The following CADM2 variants were observed in gnomAD, a reference collection of about 807,000 sequenced individuals.
CADM2 encodes the protein immunoglobulin superfamily member 4D.
Under a neutral mutation model 49.8 loss-of-function variants are expected in CADM2, and 12 were observed. The observed-to-expected ratio is 0.24, with a 90% CI of 0.15 to 0.39. The LOEUF (loss-of-function observed/expected upper bound fraction) is 0.39, where lower values mean the gene tolerates loss of function less well. Among genes scored for constraint, CADM2 ranks in the 10% least tolerant of loss-of-function variants. The pLI, the probability that CADM2 is intolerant of heterozygous loss-of-function variation, is 1.00. For missense variants in CADM2, 378 were observed against 492.3 expected (o/e 0.77, Z 2.20); for synonymous variants, 214 against 175.4 (o/e 1.22, Z -1.74).
rs74900822 is a variant in CADM2, at chr3:85,740,989, T to C, written c.88+14441T>C. ...ATCCTAGTTCAGGACAACAATTCTC[T>C]TTCTTTCTCCAAATGAACAGGCACT... On this transcript the variant is annotated intron_variant, in intron 2 of 9. Coordinates refer to ENST00000383699, the MANE Select transcript of CADM2 (RefSeq NM_001167675.2). 5.8e-3 allele frequency among the ~76,000 whole-genome samples: 884 copies of C among 152,314 alleles called. 12 individuals are homozygous for C. The highest frequency in any genetic ancestry group is 0.021 in the African/African-American group (856 of 41,568).
rs529447125 is a variant in CADM2 at position 85,761,367 on chromosome 3, C to CTTTT, written c.88+34839_88+34842dup. 1.1e-3 allele frequency among the ~76,000 whole-genome samples: 116 copies of CTTTT among 101,086 alleles called. 4 individuals are homozygous for CTTTT. Among genetic ancestry groups the CTTTT allele is most frequent in the African/African-American group, 4.8e-3 (101 of 20,870 alleles). The allele number at this position is 101,086 out of a possible 152,430, so 66.3% of individuals were successfully genotyped here. On this transcript the variant is annotated intron_variant, in intron 2 of 9. Coordinates refer to ENST00000383699, the MANE Select transcript of CADM2 (RefSeq NM_001167675.2). ...AAAACTGTTGATATACAACACAAAACTTTTTTTTTTTTTTTTTTTTTTTGG... is the reference window on the plus strand; with the variant it reads ...AAAACTGTTGATATACAACACAAAACTTTTTTTTTTTTTTTTTTTTTTTTTTTGG...
intron 2 of CADM2, among the ~76,000 whole-genome samples, chr3:85,795,373 T>A (rs1411031569): frequency 6.6e-6 from 1 of 152,118 alleles, no homozygotes; most frequent in Non-Finnish European, 1.5e-5. Context: ...TTGAATTGAT[T>A]TTGGAAACCA....
chr3:85,779,939 C>A (rs1026849007), intron 2 of CADM2, among the ~76,000 whole-genome samples: 1 of 152,034 alleles, frequency 6.6e-6, no homozygotes, highest in Non-Finnish European at 1.5e-5. Flanking sequence ...AATGATTGAA[C>A]TGGTGAAGAT....
chr3:85,713,471 C>A (rs545558262), intron 1 of CADM2, among the ~76,000 whole-genome samples: 1 of 152,128 alleles, frequency 6.6e-6, no homozygotes, highest in Admixed American at 6.5e-5. Context: ...TTATATCCTA[C>A]AAAGCACTGG....
At chr3:84,995,704 G>A (rs182109425) in intron 1 of CADM2, among the ~76,000 whole-genome samples, 1 of 152,218 alleles carries the variant, frequency 6.6e-6, no homozygotes, top group Admixed American at 6.5e-5. Flanking sequence ...GCCTACAAAA[G>A]AGATTAATAT....
intron 1 of CADM2, among the ~76,000 whole-genome samples, chr3:85,558,455 G>T (rs7653790): frequency 0.51 from 77,795 of 151,672 alleles, 23,023 homozygotes; most frequent in East Asian, 0.85. Flanking sequence ...ATCAAATCAA[G>T]ACAGTTAATA....
chr3:85,906,501 G>C (rs1005448546), intron 5 of CADM2, among the ~76,000 whole-genome samples: 1 of 152,056 alleles, frequency 6.6e-6, no homozygotes. Flanking sequence ...TGCTAAGTGG[G>C]ATAGTTATCC....
At chr3:85,296,745 TA>T (rs2043974499) in intron 1 of CADM2, among the ~76,000 whole-genome samples, 1 of 152,060 alleles carries the variant, frequency 6.6e-6, no homozygotes, top group Non-Finnish European at 1.5e-5. Flanking sequence ...GAGTGCTCTT[TA>T]AAAAATTACC....
At chr3:85,014,003 AT>A (rs2034129719) in intron 1 of CADM2, among the ~76,000 whole-genome samples, 1 of 143,290 alleles carries the variant, frequency 7.0e-6, no homozygotes, top group Non-Finnish European at 1.5e-5. Context: ...CAGTGTAATA[AT>A]ATTGTATATT....
chr3:85,138,387 A>G (rs1391148022), intron 1 of CADM2, among the ~76,000 whole-genome samples: 1 of 152,124 alleles, frequency 6.6e-6, no homozygotes, highest in African/African-American at 2.4e-5. Context: ...CTTTCTTCAG[A>G]GGTTTTTCTG....
At chr3:85,476,677 T>A (rs978946568) in intron 1 of CADM2, among the ~76,000 whole-genome samples, 3 of 151,856 alleles carry the variant, frequency 2.0e-5, no homozygotes, top group African/African-American at 7.2e-5. Flanking sequence ...TTTTTAAGAA[T>A]TAGTTGCAAA....
intron 1 of CADM2, among the ~76,000 whole-genome samples, chr3:85,470,209 A>G (rs2107607397): frequency 6.6e-6 from 1 of 152,320 alleles, no homozygotes; most frequent in East Asian, 1.9e-4. Context: ...TATGGATACA[A>G]ACAGTGTTTA....
intron 6 of CADM2, among the ~76,000 whole-genome samples, chr3:85,918,824 G>T (rs796757730): frequency 1.4e-4 from 22 of 152,082 alleles, no homozygotes; most frequent in African/African-American, 5.1e-4. Context: ...TTTTTGCACA[G>T]ATTTCTTTGT....
chr3:85,834,441 A>T (rs2074317621), intron 3 of CADM2, among the ~76,000 whole-genome samples: 1 of 151,676 alleles, frequency 6.6e-6, no homozygotes, highest in Non-Finnish European at 1.5e-5. Context: ...TCAACTAATA[A>T]GATAGACATG....
At chr3:85,384,125 A>G (rs2034068214) in intron 1 of CADM2, among the ~76,000 whole-genome samples, 1 of 152,152 alleles carries the variant, frequency 6.6e-6, no homozygotes, top group Admixed American at 6.5e-5. Context: ...CTACTTCTAC[A>G]TTCTTGCATA....
At chr3:85,625,288 T>C (rs1029188302) in intron 1 of CADM2, among the ~76,000 whole-genome samples, 12 of 152,150 alleles carry the variant, frequency 7.9e-5, no homozygotes, top group African/African-American at 2.2e-4. Context: ...TCTAGTATTA[T>C]ATTAAACATT....
At chr3:85,229,197 T>C (rs2042228146) in intron 1 of CADM2, among the ~76,000 whole-genome samples, 1 of 152,140 alleles carries the variant, frequency 6.6e-6, no homozygotes. Flanking sequence ...CTCAGACTGC[T>C]CTGCTAGCAG....
chr3:85,545,413 A>T (rs1406817298), intron 1 of CADM2, among the ~76,000 whole-genome samples: 1 of 152,194 alleles, frequency 6.6e-6, no homozygotes, highest in Non-Finnish European at 1.5e-5. Flanking sequence ...ATATATAGGA[A>T]AATTTTAGCT....
At chr3:85,515,951 G>A (rs773230845) in intron 1 of CADM2, among the ~76,000 whole-genome samples, 3 of 152,052 alleles carry the variant, frequency 2.0e-5, no homozygotes, top group Non-Finnish European at 4.4e-5. Flanking sequence ...AATAGTGACA[G>A]CTTTAATTTT....
Sources: allele counts gnomAD v4.1 joint callset (sites outside exome capture counted in the v4.1 genomes callset), GRCh38; gene constraint gnomAD v4.1.1; transcripts MANE v1.5; gene names NCBI Gene and HGNC (gene_info 2026-07-23, HGNC 2026-07-21).